Variants in MCTP1 observed in about 807,000 individuals in gnomAD.
MCTP1 encodes multiple C2 and transmembrane domain containing 1, also known as multiple C2 and transmembrane domain-containing protein 1.
MCTP1 carries 69 observed loss-of-function variants against 120.6 expected under a neutral mutation model. The ratio of observed to expected loss-of-function variants is 0.57; its 90% CI spans 0.47 to 0.70. The LOEUF (loss-of-function observed/expected upper bound fraction) is 0.70, where lower values mean the gene tolerates loss of function less well. Ranked by LOEUF, MCTP1 falls within the 30% of genes least tolerant of loss-of-function variation. MCTP1 has a pLI of 0.00. For missense variants in MCTP1, 1,203 were observed against 1,248.8 expected, an observed-to-expected ratio of 0.96 and a Z score of 0.55; for synonymous variants, 529 against 493.1, an observed-to-expected ratio of 1.07 and a Z score of -0.96.
At chr5:95,240,967 G>A (rs1219685065) in intron 1 of MCTP1, among the ~76,000 whole-genome samples, 1 of 151,580 alleles carries the variant, frequency 6.6e-6, no homozygotes, top group Non-Finnish European at 1.5e-5. Context: ...CTACATATTA[G>A]AAAATATCCT....
chr5:94,878,681 T>C (rs1799431839), intron 12 of MCTP1, among the ~76,000 whole-genome samples: 1 of 152,052 alleles, frequency 6.6e-6, no homozygotes, highest in Admixed American at 6.6e-5. Context: ...CAAATATTTA[T>C]TGAGTGCTTA....
At position 94,705,893 on chromosome 5, in the gene MCTP1, T is replaced by C. The variant is rs1703243386; in HGVS notation, c.*1603A>G. 1 of 151,660 alleles carries C rather than the reference T, an allele frequency of 6.6e-6. No individual in the cohort carries two copies. The highest frequency in any genetic ancestry group is 1.5e-5 in the Non-Finnish European group (1 of 67,722). 9.4% of individuals were successfully genotyped at this position (151,660 alleles called of 1,614,324 possible). On this transcript the variant is annotated 3_prime_UTR_variant, in exon 23 of 23. Coordinates refer to ENST00000515393, the MANE Select transcript of MCTP1 (RefSeq NM_024717.7). ...GTCATTTTAAACATGATACATTAAA[T>C]AAAGCATGTTGAGGTCAAAGCCTTT...
chr5:95,049,448 G>T (rs572537504), intron 1 of MCTP1, among the ~76,000 whole-genome samples: 2 of 152,094 alleles, frequency 1.3e-5, no homozygotes, highest in Non-Finnish European at 2.9e-5. Flanking sequence ...TGCTAAAATA[G>T]TTCAAATAAG....
At chr5:95,081,813 A>G in intron 1 of MCTP1, 1 of 1,049,890 alleles carries the variant, frequency 9.5e-7, no homozygotes, top group Non-Finnish European at 1.1e-6. Context: ...TAAATACTAA[A>G]AACTTCACCT....
intron 1 of MCTP1, among the ~76,000 whole-genome samples, chr5:95,220,752 T>G (rs1753596898): frequency 1.3e-5 from 2 of 152,242 alleles, no homozygotes; most frequent in Admixed American, 1.3e-4. Context: ...CATGCTAATG[T>G]TGAAATGCTA....
chr5:95,277,584 C>T (rs774944543), intron 1 of MCTP1, among the ~76,000 whole-genome samples: 2 of 152,198 alleles, frequency 1.3e-5, no homozygotes, highest in Admixed American at 6.5e-5. Flanking sequence ...AACTGTTTTA[C>T]AATGCTGATT....
intron 1 of MCTP1, among the ~76,000 whole-genome samples, chr5:95,128,039 G>A (rs913225323): frequency 2.0e-5 from 3 of 152,174 alleles, no homozygotes; most frequent in African/African-American, 7.2e-5. Flanking sequence ...ACAGGAAAAC[G>A]ACTTGCCTAG....
At position 94,836,903 on chromosome 5, in the gene MCTP1, T is replaced by C. The variant is rs77053199; in HGVS notation, c.2436+31430A>G. On this transcript the variant is annotated intron_variant, in intron 17 of 22. Transcript: ENST00000515393. The stretch of plus-strand genomic sequence containing the variant: ...TTAATTGGGAATATGTTCTGTTATA[T>C]AGAGGACCATTAGTAATGCCAATCT... Among the ~76,000 whole-genome samples, 1,025 of 152,348 alleles carry C rather than the reference T, an allele frequency of 6.7e-3. 15 individuals carry two copies. The highest frequency in any genetic ancestry group is 0.024 in the African/African-American group (980 of 41,578).
intron 1 of MCTP1, among the ~76,000 whole-genome samples, chr5:95,212,917 G>T (rs919930316): frequency 1.3e-5 from 2 of 152,074 alleles, no homozygotes; most frequent in Admixed American, 6.6e-5. Context: ...ATACTGAATG[G>T]GCAAAAACTG....
rs115540793 is a variant in MCTP1 at position 94,942,026 on chromosome 5, C to T, written c.1061+322G>A. Among the ~76,000 whole-genome samples the T allele has an allele frequency of 6.6e-3, 1,000 of 151,994 alleles. 16 individuals are homozygous for T. The highest frequency in any genetic ancestry group is 0.023 in the African/African-American group (943 of 41,456). On this transcript the variant is annotated intron_variant, in intron 4 of 22. Coordinates refer to ENST00000515393, the MANE Select transcript of MCTP1 (RefSeq NM_024717.7). ...CTAACGTGCATAATCTTTTTTTATG[C>T]CCCATTAAAACCATATGGGCAATAT...
rs1007424837 is a variant in MCTP1, at chr5:95,005,279, G to A, written c.838+12088C>T. Reference sequence around the variant, plus strand: ...TAACTAACTTGTTTTTTATTTTACAGGCTCATAGGCAGAAGGGACTTGCCT... The same window carrying A: ...TAACTAACTTGTTTTTTATTTTACAAGCTCATAGGCAGAAGGGACTTGCCT... On this transcript the variant is annotated intron_variant, in intron 2 of 22. Coordinates refer to ENST00000515393, the MANE Select transcript of MCTP1 (RefSeq NM_024717.7). Among the ~76,000 whole-genome samples, 10 of 152,204 alleles carry A rather than the reference G, an allele frequency of 6.6e-5. No individual in the cohort carries two copies. In the South Asian group the frequency reaches 1.2e-3, roughly 19 times the overall value.
chr5:94,879,398 TC>T (rs1034017781), intron 12 of MCTP1, among the ~76,000 whole-genome samples: 2 of 151,958 alleles, frequency 1.3e-5, no homozygotes, highest in African/African-American at 4.8e-5. Context: ...ACCAGTATGC[TC>T]CCCAGTCATT....
At chr5:95,248,942 G>C (rs1279135995) in intron 1 of MCTP1, among the ~76,000 whole-genome samples, 1 of 152,162 alleles carries the variant, frequency 6.6e-6, no homozygotes, top group Non-Finnish European at 1.5e-5. Context: ...ATGGTGCTGG[G>C]AAAACTGGCT....
At chr5:95,004,311 G>A (rs1480258624) in intron 2 of MCTP1, among the ~76,000 whole-genome samples, 4 of 152,144 alleles carry the variant, frequency 2.6e-5, no homozygotes, top group Admixed American at 2.0e-4. Context: ...AGGGAAGCAG[G>A]GCATACAAGT....
chr5:94,951,215 C>CT lies in MCTP1; in HGVS notation c.981+2003dup, dbSNP rs147172451. Reference sequence around the variant, plus strand: ...ACTTACAAGTCAGAACACCACCATTCTTTTTTTGTGTACTTCAGTTTTTTG... The same window carrying CT: ...ACTTACAAGTCAGAACACCACCATTCTTTTTTTTGTGTACTTCAGTTTTTTG... On this transcript the variant is annotated intron_variant, in intron 3 of 22. Transcript: ENST00000515393. Among the ~76,000 whole-genome samples the CT allele has an allele frequency of 1.2e-3, 180 of 152,190 alleles. 6 individuals are homozygous for CT. In the East Asian group the frequency reaches 0.032, roughly 27 times the overall value.
chr5:94,783,517 A>G (rs1486289390), intron 18 of MCTP1, among the ~76,000 whole-genome samples: 1 of 152,084 alleles, frequency 6.6e-6, no homozygotes, highest in African/African-American at 2.4e-5. Context: ...CTGAATAAAA[A>G]CATGACATGT....
intron 12 of MCTP1, among the ~76,000 whole-genome samples, chr5:94,875,692 C>A (rs1341523862): frequency 6.6e-6 from 1 of 151,410 alleles, no homozygotes; most frequent in African/African-American, 2.4e-5. Flanking sequence ...ACCTAATATA[C>A]CCTCATATTA....
chr5:94,736,288 A>G (rs1413531951), intron 19 of MCTP1, among the ~76,000 whole-genome samples: 1 of 152,148 alleles, frequency 6.6e-6, no homozygotes, highest in African/African-American at 2.4e-5. Flanking sequence ...CAGGAATTTG[A>G]GACCAGCCTG....
intron 17 of MCTP1, among the ~76,000 whole-genome samples, chr5:94,809,323 GGCTTT>G (rs1782981697): frequency 6.6e-6 from 1 of 151,774 alleles, no homozygotes; most frequent in South Asian, 2.1e-4. Context: ...GAAAGGCTCT[GGCTTT>G]GCTTTGAGAA....
Sources: gnomAD v4.1 joint callset for allele counts (sites outside exome capture counted in the v4.1 genomes callset) on GRCh38, gnomAD v4.1.1 for gene constraint, MANE v1.5 for transcripts, NCBI Gene and HGNC (gene_info 2026-07-23, HGNC 2026-07-21) for gene names.